The following XKR9 variants were observed in gnomAD, a reference collection of about 807,000 sequenced individuals.
The protein encoded by XKR9 is XK-related protein 9.
A neutral mutation model predicts 32.0 loss-of-function variants in XKR9; 32 were observed. That is an observed-to-expected ratio of 1.00 (90% CI 0.76 to 1.34). The LOEUF (loss-of-function observed/expected upper bound fraction) is 1.34, where lower values mean the gene tolerates loss of function less well. Among genes scored for constraint, XKR9 ranks in the 40% most tolerant of loss-of-function variants. XKR9 has a pLI of 0.00. For missense variants in XKR9, 546 were observed against 429.7 expected, an observed-to-expected ratio of 1.27 and a Z score of -2.39; for synonymous variants, 168 against 143.4, an observed-to-expected ratio of 1.17 and a Z score of -1.22.
the XKR9 span, among the ~76,000 whole-genome samples, chr8:70,962,703 A>G: frequency 1.3e-5 from 2 of 152,320 alleles, no homozygotes; most frequent in Admixed American, 1.3e-4. Flanking sequence ...CTTCCTGCAT[A>G]TGTAATTCAA....
the XKR9 span, among the ~76,000 whole-genome samples, chr8:70,849,529 G>A: frequency 2.0e-5 from 3 of 152,026 alleles, no homozygotes; most frequent in Non-Finnish European, 2.9e-5. Context: ...ATCTAAAATC[G>A]ACACCCTAAT....
the XKR9 span, among the ~76,000 whole-genome samples, chr8:71,053,448 A>T: frequency 6.6e-6 from 1 of 152,262 alleles, no homozygotes; most frequent in South Asian, 2.1e-4. Context: ...TGGTTTCCTG[A>T]CCTGACAGAG....
At chr8:70,815,671 G>A in the XKR9 span, among the ~76,000 whole-genome samples, 9 of 151,856 alleles carry the variant, frequency 5.9e-5, no homozygotes, top group East Asian at 7.7e-4. Context: ...GACTACAGGC[G>A]CCCGCCACCA....
chr8:70,918,329 G>A, the XKR9 span, among the ~76,000 whole-genome samples: 1 of 152,172 alleles, frequency 6.6e-6, no homozygotes, highest in East Asian at 1.9e-4. Context: ...ATCTGGAGAG[G>A]ATGGGAACAT....
chr8:71,008,594 A>G, the XKR9 span, among the ~76,000 whole-genome samples: 1 of 152,120 alleles, frequency 6.6e-6, no homozygotes. Context: ...GGGGCATAGG[A>G]AACTGTTTGA....
At chr8:71,034,587 G>A in the XKR9 span, among the ~76,000 whole-genome samples, 1 of 152,164 alleles carries the variant, frequency 6.6e-6, no homozygotes, top group African/African-American at 2.4e-5. Context: ...TGTGCTGGGA[G>A]GATGGTAAGT....
At chr8:70,814,050 C>T in the XKR9 span, among the ~76,000 whole-genome samples, 2 of 152,162 alleles carry the variant, frequency 1.3e-5, no homozygotes, top group Non-Finnish European at 2.9e-5. Flanking sequence ...ACCCAAATGT[C>T]CAACAACAAT....
At chr8:70,840,846 T>C in the XKR9 span, among the ~76,000 whole-genome samples, 1 of 152,160 alleles carries the variant, frequency 6.6e-6, no homozygotes, top group Non-Finnish European at 1.5e-5. Flanking sequence ...TTTAGGTTGA[T>C]TTTTACTCTT....
At chr8:70,953,304 A>G in the XKR9 span, among the ~76,000 whole-genome samples, 1 of 152,186 alleles carries the variant, frequency 6.6e-6, no homozygotes, top group African/African-American at 2.4e-5. Context: ...TCCATACATT[A>G]CATTATTATT....
the XKR9 span, among the ~76,000 whole-genome samples, chr8:70,988,807 T>C: frequency 6.6e-6 from 1 of 152,184 alleles, no homozygotes; most frequent in African/African-American, 2.4e-5. Context: ...TCTATACCAA[T>C]AAACATGAAT....
rs535628565 is a variant in XKR9 at position 70,719,629 on chromosome 8, C to G, written c.493+12476C>G. 2.6e-5 allele frequency among the ~76,000 whole-genome samples: 4 copies of G among 152,170 alleles called. 1 individual carries two copies. Among genetic ancestry groups the G allele is most frequent in the East Asian group, 3.9e-4 (2 of 5,178 alleles). ...TAGACCTGTGGTGTTATTTCTGAGG[C>G]CTCTGTCCTGATCCATTGTTCTATA... is the stretch of plus-strand genomic sequence containing the variant. On this transcript the variant is annotated intron_variant, in intron 4 of 4. Coordinates refer to ENST00000408926, the MANE Select transcript of XKR9 (RefSeq NM_001011720.2).
chr8:71,000,220 T>C, the XKR9 span, among the ~76,000 whole-genome samples: 2 of 152,240 alleles, frequency 1.3e-5, no homozygotes, highest in Non-Finnish European at 2.9e-5. Context: ...TTAGTGTTAT[T>C]AAATGATTTG....
chr8:70,757,918 A>C (rs558378324), intron 2 of XKR9, among the ~76,000 whole-genome samples: 2 of 152,210 alleles, frequency 1.3e-5, no homozygotes, highest in African/African-American at 4.8e-5. Context: ...GGCTACTTTG[A>C]ACTATTTTTC....
chr8:70,814,105 A>G, the XKR9 span, among the ~76,000 whole-genome samples: 11 of 152,230 alleles, frequency 7.2e-5, no homozygotes, highest in Non-Finnish European at 1.6e-4. Flanking sequence ...ATGGAATACT[A>G]TGCAGCCATA....
chr8:70,714,811 T>A (rs1274402472), intron 4 of XKR9, among the ~76,000 whole-genome samples: 7 of 152,242 alleles, frequency 4.6e-5, no homozygotes, highest in African/African-American at 1.7e-4. Context: ...CAGTACTTAA[T>A]GCCAAATCAG....
At chr8:70,704,841 T>A (rs930592725) in intron 3 of XKR9, among the ~76,000 whole-genome samples, 1 of 152,220 alleles carries the variant, frequency 6.6e-6, no homozygotes, top group Non-Finnish European at 1.5e-5. Context: ...TTATAAATCC[T>A]GGGCAGTATT....
rs1331071294 is a variant in XKR9 at position 70,693,145 on chromosome 8, T to C, written c.272+11815T>C. ...TTGGCATTTGAGTTACTAGAGTTCT[T>C]GTATTGGCTATTTCTCATCTCTGCA... On this transcript the variant is annotated intron_variant, in intron 3 of 4. Transcript: ENST00000408926. Among the ~76,000 whole-genome samples, 3 of 152,220 alleles carry C rather than the reference T, an allele frequency of 2.0e-5. No individual in the cohort carries two copies. In the East Asian group the frequency reaches 5.8e-4, roughly 29 times the overall value.
At chr8:70,759,634 G>T (rs1563471313) in intron 2 of XKR9, among the ~76,000 whole-genome samples, 1 of 151,782 alleles carries the variant, frequency 6.6e-6, no homozygotes, top group Non-Finnish European at 1.5e-5. Context: ...TTCTTGTTTT[G>T]ACTATTGTCA....
the XKR9 span, among the ~76,000 whole-genome samples, chr8:71,052,937 C>T: frequency 6.6e-6 from 1 of 152,190 alleles, no homozygotes; most frequent in South Asian, 2.1e-4. Context: ...CTTCACACAG[C>T]CAGCCTTGAC....
Sources: allele counts gnomAD v4.1 joint callset (sites outside exome capture counted in the v4.1 genomes callset), GRCh38; gene constraint gnomAD v4.1.1; transcripts MANE v1.5; gene names NCBI Gene and HGNC (gene_info 2026-07-23, HGNC 2026-07-21).